The following IL9R variants were observed in gnomAD, a reference collection of about 807,000 sequenced individuals.
IL9R encodes interleukin-9 receptor.
Under a neutral mutation model 56.3 loss-of-function variants are expected in IL9R, and 54 were observed. The ratio of observed to expected loss-of-function variants is 0.96; its 90% confidence interval spans 0.77 to 1.20. The LOEUF (loss-of-function observed/expected upper bound fraction) is 1.20, where lower values mean the gene tolerates loss of function less well. Ranked by LOEUF, IL9R falls within the 50% of genes most tolerant of loss-of-function variation. IL9R has a pLI of 0.00. For synonymous variants in IL9R, 212 were observed against 250.2 expected (o/e 0.85, Z 1.44); for missense variants, 545 against 629.8 (o/e 0.87, Z 1.44).
chrX:156,003,024 G>C lies in IL9R; in HGVS notation c.142+5G>C. 1 of 1,613,830 alleles carries C rather than the reference G, an allele frequency of 6.2e-7. No individual in the cohort carries two copies. The highest frequency in any genetic ancestry group is 8.5e-7 in the Non-Finnish European group (1 of 1,179,836). ...CTGTCACAGGGGAAGGACAAGGTGA[G>C]GGCTGGGCACTAATGTCTGTATGAG... On this transcript the variant is annotated splice_donor_5th_base_variant and intron_variant, in intron 2 of 8. Coordinates refer to ENST00000244174, the MANE Select transcript of IL9R (RefSeq NM_002186.3).
At chrX:155,999,278 C>A (rs1349263598) in intron 1 of IL9R, among the ~76,000 whole-genome samples, 1 of 152,096 alleles carries the variant, frequency 6.6e-6, no homozygotes, top group Admixed American at 6.5e-5. Context: ...CACCCAACAC[C>A]TCTGCAGTGC....
At chrX:156,009,055 GTGTGTT>G (rs1372492587) in intron 8 of IL9R, among the ~76,000 whole-genome samples, 3 of 150,512 alleles carry the variant, frequency 2.0e-5, no homozygotes, top group African/African-American at 7.5e-5. Context: ...TTGTGTCTGT[GTGTGTT>G]TGTGTGTGTG....
chrX:155,997,798 G>C lies in IL9R; in HGVS notation c.28+11G>C. On this transcript the variant is annotated intron_variant, in intron 1 of 8. Coordinates refer to ENST00000244174, the MANE Select transcript of IL9R (RefSeq NM_002186.3). ...GATGCATCTGGGAAGGTGAGTCTGTGCTTTGGGCTTCCCAACCTCTCAAGT... is the reference window on the plus strand; with the variant it reads ...GATGCATCTGGGAAGGTGAGTCTGTCCTTTGGGCTTCCCAACCTCTCAAGT... The C allele has an allele frequency of 2.5e-6, 4 of 1,612,650 alleles. No homozygotes were observed. The South Asian group carries it at 4.4e-5, about 18-fold the overall frequency.
intron 1 of IL9R, among the ~76,000 whole-genome samples, chrX:156,002,514 A>T (rs1266188388): frequency 1.3e-5 from 2 of 152,188 alleles, no homozygotes; most frequent in Admixed American, 1.3e-4. Context: ...GGTAGTGACC[A>T]GTTCCCCCAA....
At chrX:156,008,631 C>T (rs1040325063) in intron 8 of IL9R, among the ~76,000 whole-genome samples, 8 of 152,054 alleles carry the variant, frequency 5.3e-5, no homozygotes, top group African/African-American at 1.5e-4. Flanking sequence ...ACACCTGCCA[C>T]GGGTTATTTA....
intron 5 of IL9R, 88 bp downstream of exon 5, chrX:156,004,653 A>C: frequency 3.7e-6 from 5 of 1,341,878 alleles, no homozygotes; most frequent in Non-Finnish European, 5.3e-6. Context: ...GGGAGATGTC[A>C]ACTTGTAGTG....
intron 1 of IL9R, among the ~76,000 whole-genome samples, chrX:156,000,169 T>A (rs1017405024): frequency 6.7e-6 from 1 of 149,638 alleles, no homozygotes; most frequent in African/African-American, 2.5e-5. Context: ...TACACACATA[T>A]ATATATGCAT....
chrX:156,006,806 G>A (rs2067997640), intron 7 of IL9R, among the ~76,000 whole-genome samples: 1 of 151,524 alleles, frequency 6.6e-6, no homozygotes, highest in Admixed American at 6.6e-5. Flanking sequence ...GTGTAAAACT[G>A]TGTGACACAA....
chrX:156,006,884 G>C (rs955780152), intron 7 of IL9R, among the ~76,000 whole-genome samples: 1 of 150,546 alleles, frequency 6.6e-6, no homozygotes, highest in Non-Finnish European at 1.5e-5. Context: ...GGAGGCCAAT[G>C]GGGGCCAGTG....
At chrX:156,006,870 T>A (rs1240435187) in intron 7 of IL9R, among the ~76,000 whole-genome samples, 4 of 150,384 alleles carry the variant, frequency 2.7e-5, no homozygotes, top group Non-Finnish European at 4.4e-5. Context: ...ATGGGGGACC[T>A]GCTGGAGGCC....
At chrX:155,998,384 A>T (rs1490323938) in intron 1 of IL9R, among the ~76,000 whole-genome samples, 2 of 151,198 alleles carry the variant, frequency 1.3e-5, no homozygotes, top group Admixed American at 1.3e-4. Flanking sequence ...AAAGAACATC[A>T]CCCTCTCAGT....
intron 4 of IL9R, 92 bp from the exon 5 acceptor site, chrX:156,004,328 T>A (rs2067755835): frequency 7.4e-6 from 10 of 1,354,712 alleles, no homozygotes; most frequent in South Asian, 3.7e-5. Flanking sequence ...ACCATTCCCC[T>A]TGGGAGTCTT....
At chrX:156,003,178 C>T (rs3747330) in intron 2 of IL9R, among the ~76,000 whole-genome samples, 159 bp downstream of exon 2, 1 of 152,038 alleles carries the variant, frequency 6.6e-6, no homozygotes, top group Non-Finnish European at 1.5e-5. Context: ...TCTCTAGTCT[C>T]CCTACTTTTA....
intron 8 of IL9R, among the ~76,000 whole-genome samples, chrX:156,009,241 G>GTGTGTCTGTGTGTGT (rs1377556588): frequency 3.7e-5 from 1 of 26,704 alleles, no homozygotes; most frequent in Non-Finnish European, 7.5e-5. Flanking sequence ...GTGTTCGTGT[G>GTGTGTCTGTGTGTGT]GTGTGTGTGT....
intron 2 of IL9R, 89 bp from the exon 3 acceptor site, chrX:156,003,360 G>A (rs2067671055): frequency 1.1e-6 from 1 of 906,010 alleles, no homozygotes; most frequent in Non-Finnish European, 1.8e-6. Context: ...TGCCCTGCTA[G>A]GGTGTCAGCT....
chrX:156,010,466 G>A lies in IL9R; in HGVS notation c.*57G>A. 2.4e-6 allele frequency: 1 copy of A among 420,214 alleles called. No homozygotes were observed. The highest frequency in any genetic ancestry group is 3.8e-6 in the Non-Finnish European group (1 of 264,484). The allele number at this position is 420,214 out of a possible 1,614,324, so 26.0% of individuals were successfully genotyped here. A position where few individuals can be genotyped will look rare whatever the true frequency, so the allele number is the denominator to read the frequency against. The stretch of plus-strand genomic sequence containing the variant: ...TTTGGGAAAATGGACTGAAGTTTCT[G>A]GAGCCCTTGTCTGAGACTGAACCTC... On this transcript the variant is annotated 3_prime_UTR_variant, in exon 9 of 9. Coordinates refer to ENST00000244174, the MANE Select transcript of IL9R (RefSeq NM_002186.3).
At chrX:156,007,888 C>G (rs2068089179) in intron 8 of IL9R, 1 of 358,132 alleles carries the variant, frequency 2.8e-6, no homozygotes, top group Non-Finnish European at 4.5e-6. Flanking sequence ...TCTGTCCCCT[C>G]TGGTTTGCAG....
chrX:156,011,383 T>C (rs2068439498), downstream of IL9R, among the ~76,000 whole-genome samples: 1 of 106,000 alleles, frequency 9.4e-6, no homozygotes, highest in Admixed American at 8.2e-5. Context: ...CAGAAGTTGA[T>C]ATTAGGCCAA....
chrX:155,999,205 C>T (rs2067341741), intron 1 of IL9R, among the ~76,000 whole-genome samples: 1 of 152,060 alleles, frequency 6.6e-6, no homozygotes, highest in Non-Finnish European at 1.5e-5. Context: ...TCCTCCACGC[C>T]TCTCTGTACT....
Sources: allele counts gnomAD v4.1 joint callset (sites outside exome capture counted in the v4.1 genomes callset), GRCh38; gene constraint gnomAD v4.1.1; transcripts MANE v1.5; gene names NCBI Gene and HGNC (gene_info 2026-07-23, HGNC 2026-07-21).